The following STARD9 variants were observed in gnomAD, a reference collection of about 807,000 sequenced individuals.
STARD9 encodes stAR-related lipid transfer protein 9.
STARD9 carries 346 observed loss-of-function variants against 399.8 expected under a neutral mutation model. That is an observed-to-expected ratio of 0.87 (90% confidence interval 0.79 to 0.95). STARD9 has a LOEUF of 0.95. Ranked by LOEUF, STARD9 falls within the 40% of genes least tolerant of loss-of-function variation. The pLI is 0.00. For synonymous variants in STARD9, 2,203 were observed against 2,143.5 expected (o/e 1.03, Z -0.77); for missense variants, 5,832 against 5,667.5 (o/e 1.03, Z -0.93).
intron 3 of STARD9, among the ~76,000 whole-genome samples, chr15:42,586,380 G>T (rs150250448): frequency 5.3e-4 from 81 of 152,310 alleles, no homozygotes; most frequent in Middle Eastern, 6.8e-3. Flanking sequence ...TTGGTCACCC[G>T]TCATGTGTCT....
chr15:42,688,157 C>A lies in STARD9; in HGVS notation c.6579C>A (p.Phe2193Leu), dbSNP rs1458708076. 5 of 1,537,396 alleles carry A rather than the reference C, an allele frequency of 3.3e-6. No homozygotes were observed. The highest frequency in any genetic ancestry group is 4.4e-6 in the Non-Finnish European group (5 of 1,146,960). ...GGAAACACACAACTTGCAGAGAGTT[C>A]ACCAACACTTCTCTTCACCCACAGA... ...SLGKHTTCRE[F>L]TNTSLHPQRM... The change falls in exon 23 of 33, where the codon TTC becomes TTA. Residue 2193 changes from phenylalanine to leucine, a missense_variant. Physicochemically the swap from Phe to Leu is conservative, Grantham distance 22. Around this residue, in one of 2 missense-constraint regions of STARD9, gnomAD observed 5,828 missense variants for 5,651.1 expected, o/e 1.03. Transcript: ENST00000290607.
rs1229912912 is a variant in STARD9 at position 42,693,353 on chromosome 15, T to G, written c.11775T>G (p.Thr3925=). 6.5e-7 allele frequency: 1 copy of G among 1,537,046 alleles called. No individual in the cohort carries two copies. Among genetic ancestry groups the G allele is most frequent in the Non-Finnish European group, 8.7e-7 (1 of 1,146,880 alleles). ...PGSLTLSAPS[T]HPVEGHQKLD... is the part of the protein sequence containing the mutation. ...CTTTGACCCTCTCAGCCCCTTCAACTCACCCTGTTGAAGGCCACCAGAAGC... is the reference window on the plus strand; with the variant it reads ...CTTTGACCCTCTCAGCCCCTTCAACGCACCCTGTTGAAGGCCACCAGAAGC... The change falls in exon 23 of 33, where the codon ACT becomes ACG. Residue 3925 remains threonine (T), a synonymous_variant. Transcript: ENST00000290607.
chr15:42,655,661 C>T (rs187036267), intron 9 of STARD9, among the ~76,000 whole-genome samples: 1 of 152,300 alleles, frequency 6.6e-6, no homozygotes, highest in Admixed American at 6.5e-5. Context: ...AAAAATCCTT[C>T]TAGACATTGG....
intron 3 of STARD9, among the ~76,000 whole-genome samples, chr15:42,610,768 A>G (rs2058832059): frequency 6.6e-6 from 1 of 152,082 alleles, no homozygotes; most frequent in South Asian, 2.1e-4. Flanking sequence ...GCTGGTCTTG[A>G]ACTCCTGACC....
intron 26 of STARD9, among the ~76,000 whole-genome samples, chr15:42,708,631 G>C (rs952494868): frequency 6.6e-6 from 1 of 151,222 alleles, no homozygotes; most frequent in Non-Finnish European, 1.5e-5. Flanking sequence ...TTGCTTCGTG[G>C]TTAGTAATTT....
At chr15:42,707,492 C>T (rs534225366) in intron 26 of STARD9, among the ~76,000 whole-genome samples, 35 of 135,338 alleles carry the variant, frequency 2.6e-4, no homozygotes, top group Admixed American at 5.5e-4. Flanking sequence ...TTTTTTGAGA[C>T]AGAGTCTTGC....
chr15:42,700,728 C>A (rs779112444), intron 26 of STARD9, among the ~76,000 whole-genome samples: 11 of 152,136 alleles, frequency 7.2e-5, no homozygotes, highest in Non-Finnish European at 1.5e-4. Flanking sequence ...TGTGGGGTGT[C>A]TCTTCACTCT....
intron 7 of STARD9, among the ~76,000 whole-genome samples, chr15:42,640,374 C>T (rs1339045956): frequency 6.6e-6 from 1 of 152,144 alleles, no homozygotes; most frequent in Non-Finnish European, 1.5e-5. Flanking sequence ...TCATAAATAG[C>T]AGCCTAGAAA....
chr15:42,581,467 C>A (rs905001230), intron 1 of STARD9: 1 of 1,529,352 alleles, frequency 6.5e-7, no homozygotes, highest in Non-Finnish European at 9.0e-7. Flanking sequence ...GGCTGGTGGC[C>A]GCTGCCAGCG....
intron 26 of STARD9, among the ~76,000 whole-genome samples, chr15:42,711,985 C>A (rs987592410): frequency 1.5e-5 from 2 of 133,078 alleles, no homozygotes; most frequent in Non-Finnish European, 1.5e-5. Flanking sequence ...TTGATTATAG[C>A]TGTCCTAGTG....
intron 3 of STARD9, among the ~76,000 whole-genome samples, chr15:42,631,738 A>G (rs1184062426): frequency 6.6e-6 from 1 of 151,972 alleles, no homozygotes; most frequent in African/African-American, 2.4e-5. Flanking sequence ...AATAGAAGAT[A>G]GTTGATATGA....
In STARD9 at chr15:42,691,994, G is replaced by A. The variant is rs752286853; in HGVS notation, c.10416G>A (p.Pro3472=). ...GSSDISPYAL[P]WRPEEPARIS... is the part of the protein sequence containing the mutation. Reference sequence around the variant, plus strand: ...GTGACATCAGTCCCTATGCGCTGCCGTGGCGTCCGGAGGAGCCTGCACGTA... The same window carrying A: ...GTGACATCAGTCCCTATGCGCTGCCATGGCGTCCGGAGGAGCCTGCACGTA... The change falls in exon 23 of 33, where the codon CCG becomes CCA. Residue 3472 remains proline (P), a synonymous_variant. Coordinates refer to ENST00000290607, the MANE Select transcript of STARD9 (RefSeq NM_020759.3). The A allele has an allele frequency of 2.7e-5, 41 of 1,537,110 alleles. No homozygotes were observed. Among genetic ancestry groups the A allele is most frequent in the Middle Eastern group, 3.3e-4 (2 of 6,012 alleles).
chr15:42,699,392 C>CTTTTTCTTTTTTTTTTTTTTTTTTTTTT (rs2060912049), intron 26 of STARD9, among the ~76,000 whole-genome samples: 1 of 113,280 alleles, frequency 8.8e-6, no homozygotes, highest in African/African-American at 4.1e-5. Flanking sequence ...TTTTTCTTTT[C>CTTTTTCTTTTTTTTTTTTTTTTTTTTTT]TTTTTTTTTT....
chr15:42,681,520 A>G lies in STARD9; in HGVS notation c.1973A>G (p.Glu658Gly). The G allele has an allele frequency of 6.5e-7, 1 of 1,537,254 alleles. No homozygotes were observed. The highest frequency in any genetic ancestry group is 1.7e-4 in the Middle Eastern group (1 of 5,990). The change falls in exon 21 of 33, where the codon GAG becomes GGG. Residue 658 changes from glutamate to glycine, a missense_variant. Glu to Gly is a moderately conservative substitution (Grantham distance 98). This residue lies in a region of STARD9 where 5,828 missense variants were observed against 5,651.1 expected (regional missense o/e 1.03). Coordinates refer to ENST00000290607, the MANE Select transcript of STARD9 (RefSeq NM_020759.3). ...ATTCAGCAGCAGCAGAGCTACGTAG[A>G]GGATTTGAGGCATCAAATCCTAGCA... Reference protein sequence around the residue: ...AQIQQQQSYVEDLRHQILAEE... With the variant: ...AQIQQQQSYVGDLRHQILAEE...
intron 26 of STARD9, among the ~76,000 whole-genome samples, chr15:42,716,184 A>G (rs2061346186): frequency 6.6e-6 from 1 of 152,118 alleles, no homozygotes; most frequent in Admixed American, 6.5e-5. Context: ...ACCCCATCTA[A>G]TCCCCAGTTA....
intron 3 of STARD9, among the ~76,000 whole-genome samples, chr15:42,632,644 G>T (rs1380867331): frequency 6.6e-6 from 1 of 151,938 alleles, no homozygotes; most frequent in East Asian, 1.9e-4. Flanking sequence ...TAACCCATTC[G>T]TTTAAACTGA....
rs1249547682 is a variant in STARD9, at chr15:42,689,335, G to A, written c.7757G>A (p.Cys2586Tyr). 1.3e-6 allele frequency: 2 copies of A among 1,537,266 alleles called. No individual in the cohort carries two copies. The highest frequency in any genetic ancestry group is 1.7e-6 in the Non-Finnish European group (2 of 1,146,908). Residue 2586 changes from cysteine to tyrosine, a missense_variant, in exon 23 of 33, where the codon TGT becomes TAT. By Grantham distance (194) the Cys-to-Tyr change is radical. Around this residue, in one of 2 missense-constraint regions of STARD9, gnomAD observed 5,828 missense variants for 5,651.1 expected, o/e 1.03. Transcript: ENST00000290607. ...TGTGAAACTTTACTAGAACCCGAATGTTCTTCAAGGGTTGCTGGCAGGCCT... is the reference window on the plus strand; with the variant it reads ...TGTGAAACTTTACTAGAACCCGAATATTCTTCAAGGGTTGCTGGCAGGCCT... ...SYCETLLEPECSSRVAGRPQC... is the reference protein window; with the variant it reads ...SYCETLLEPEYSSRVAGRPQC...
intron 26 of STARD9, among the ~76,000 whole-genome samples, chr15:42,705,861 T>G (rs2061065586): frequency 1.3e-5 from 2 of 152,096 alleles, no homozygotes; most frequent in African/African-American, 4.8e-5. Flanking sequence ...CAAGCGATTC[T>G]CTTGTCTCAG....
chr15:42,578,106 A>ATTT (rs57016102), intron 1 of STARD9, among the ~76,000 whole-genome samples: 10 of 134,124 alleles, frequency 7.5e-5, no homozygotes, highest in Non-Finnish European at 1.2e-4. Context: ...TTGACGCTCA[A>ATTT]TTTTTTTTTT....
Sources: allele counts gnomAD v4.1 joint callset (sites outside exome capture counted in the v4.1 genomes callset), GRCh38; gene constraint gnomAD v4.1.1; regional missense constraint gnomAD v4.1.1; transcripts MANE v1.5; gene names NCBI Gene and HGNC (gene_info 2026-07-23, HGNC 2026-07-21).